BSDC1: variants seen among roughly 807,000 people sequenced by gnomAD.
BSDC1 encodes BSD domain-containing protein 1.
Under a neutral mutation model 56.0 loss-of-function variants are expected in BSDC1, and 29 were observed. That is an observed-to-expected ratio of 0.52 (90% CI 0.39 to 0.71). The LOEUF (loss-of-function observed/expected upper bound fraction) is 0.71. Ranked by LOEUF, BSDC1 falls within the 30% of genes least tolerant of loss-of-function variation. BSDC1 has a pLI of 0.00. For missense variants in BSDC1, 477 were observed against 548.5 expected, an observed-to-expected ratio of 0.87 and a Z score of 1.30; for synonymous variants, 210 against 215.3, an observed-to-expected ratio of 0.98 and a Z score of 0.21.
chr1:32,394,064 C>A lies in BSDC1; in HGVS notation c.72+16G>T. The A allele has an allele frequency of 6.2e-7, 1 of 1,604,900 alleles. No individual in the cohort carries two copies. The highest frequency in any genetic ancestry group is 8.5e-7 in the Non-Finnish European group (1 of 1,176,188). ...CAGGGCCCTGCTGAGGGAAGAAGGG[C>A]ACGGGCCCGGCTTACCTTCTCTTTG... On this transcript the variant is annotated intron_variant, in intron 2 of 10. Transcript: ENST00000455895.
chr1:32,394,256 C>T, intron 1 of BSDC1, 116 bp from the exon 2 acceptor site: 2 of 1,553,478 alleles, frequency 1.3e-6, no homozygotes, highest in Non-Finnish European at 1.8e-6. Context: ...GACCGCTTGC[C>T]CACCCCCTCA....
chr1:32,383,752 C>A (rs1171986732), intron 4 of BSDC1, 78 bp downstream of exon 4: 1 of 1,416,024 alleles, frequency 7.1e-7, no homozygotes, highest in Non-Finnish European at 9.8e-7. Flanking sequence ...ACATGGGCTG[C>A]TTTTGTGAGT....
intron 2 of BSDC1, among the ~76,000 whole-genome samples, chr1:32,392,642 C>G (rs1642906354): frequency 6.6e-6 from 1 of 152,210 alleles, no homozygotes; most frequent in Non-Finnish European, 1.5e-5. Context: ...CGGGTCTCTT[C>G]TATCAAATGT....
intron 3 of BSDC1, 109 bp downstream of exon 3, chr1:32,386,668 CAT>C: frequency 1.6e-6 from 1 of 637,922 alleles, no homozygotes; most frequent in Non-Finnish European, 2.5e-6. Flanking sequence ...AAGTAATCCA[CAT>C]ATTTTTCCCC....
At chr1:32,393,212 C>A (rs140809156) in intron 2 of BSDC1, among the ~76,000 whole-genome samples, 1 of 152,326 alleles carries the variant, frequency 6.6e-6, no homozygotes, top group Non-Finnish European at 1.5e-5. Context: ...CTGATTTTGA[C>A]AAATAAGCAT....
At position 32,392,526 on chromosome 1, in the gene BSDC1, A is replaced by G. The variant is rs918496776; in HGVS notation, c.72+1554T>C. On this transcript the variant is annotated intron_variant, in intron 2 of 10. Transcript: ENST00000455895. ...AACTATCTATTTTTCATAAGTTATG[A>G]TAAGACCAACCTTGAGACAAACACA... Among the ~76,000 whole-genome samples, 25 of 152,214 alleles carry G rather than the reference A, an allele frequency of 1.6e-4. 1 individual carries two copies. The highest frequency in any genetic ancestry group is 5.3e-4 in the African/African-American group (22 of 41,538).
intron 9 of BSDC1, among the ~76,000 whole-genome samples, chr1:32,375,062 G>T (rs954948936): frequency 2.0e-5 from 3 of 152,130 alleles, no homozygotes; most frequent in Admixed American, 2.0e-4. Flanking sequence ...TGAGGCAGGA[G>T]AATGGCGCGA....
chr1:32,386,979 C>G (rs1275870630), intron 2 of BSDC1, 84 bp from the exon 3 acceptor site: 6 of 1,043,104 alleles, frequency 5.8e-6, no homozygotes, highest in Non-Finnish European at 8.8e-6. Flanking sequence ...CAGTACCAGA[C>G]AGACAAATGG....
intron 3 of BSDC1, 29 bp from the exon 4 acceptor site, chr1:32,384,026 G>A (rs147272245): frequency 2.2e-5 from 36 of 1,612,766 alleles, no homozygotes; most frequent in Non-Finnish European, 2.6e-5. Flanking sequence ...GAGGAAGCAA[G>A]CGCCCCGGGA....
chr1:32,394,014 T>C (rs922423830), intron 2 of BSDC1, 66 bp downstream of exon 2: 66 of 1,533,486 alleles, frequency 4.3e-5, no homozygotes, highest in Admixed American at 5.7e-5. Flanking sequence ...CGGGGCTGGT[T>C]GGACCAGGTT....
chr1:32,374,830 CT>C (rs1642218151), intron 9 of BSDC1: 2 of 152,310 alleles, frequency 1.3e-5, no homozygotes, highest in Non-Finnish European at 2.9e-5. Flanking sequence ...GCTTCTGCCC[CT>C]CTCCCACTCA....
chr1:32,379,083 T>C (rs1642397755), intron 5 of BSDC1, among the ~76,000 whole-genome samples: 1 of 152,154 alleles, frequency 6.6e-6, no homozygotes, highest in South Asian at 2.1e-4. Context: ...GGCACCTGGC[T>C]GCTGAATCTC....
intron 9 of BSDC1, among the ~76,000 whole-genome samples, chr1:32,373,949 A>C (rs1033091327): frequency 1.3e-5 from 2 of 152,172 alleles, no homozygotes; most frequent in Non-Finnish European, 2.9e-5. Flanking sequence ...CAACATGTTG[A>C]TGGTCTCACT....
chr1:32,370,874 C>T (rs543613374), intron 9 of BSDC1, among the ~76,000 whole-genome samples: 51 of 149,024 alleles, frequency 3.4e-4, no homozygotes, highest in Non-Finnish European at 6.1e-4. Context: ...CTGTCTATGG[C>T]TGCTTTCATG....
chr1:32,381,427 G>A (rs1642474960), intron 4 of BSDC1, among the ~76,000 whole-genome samples, 159 bp from the exon 5 acceptor site: 1 of 152,246 alleles, frequency 6.6e-6, no homozygotes, highest in African/African-American at 2.4e-5. Context: ...GGCACAGAGA[G>A]TGGGGCACTA....
At position 32,376,451 on chromosome 1, in the gene BSDC1, C is replaced by T. The variant is rs1270515605; in HGVS notation, c.967G>A (p.Val323Met). ...GGGGGTGAGGGTCCAGTCTCACCCACATCCACAGCCAGGCCCTGTTCCTCC... is the reference window on the plus strand; with the variant it reads ...GGGGGTGAGGGTCCAGTCTCACCCATATCCACAGCCAGGCCCTGTTCCTCC... ...SLEEQGLAVD[V>M]GETGPSPPIH... The change falls in exon 9 of 11, where the codon GTG (valine) becomes ATG (methionine). Residue 323 changes from valine to methionine, a missense_variant. Physicochemically the swap from Val to Met is conservative, Grantham distance 21. Coordinates refer to ENST00000455895, the MANE Select transcript of BSDC1 (RefSeq NM_018045.8). The T allele has an allele frequency of 1.2e-6, 2 of 1,613,022 alleles. No homozygotes were observed. The highest frequency in any genetic ancestry group is 1.7e-6 in the Non-Finnish European group (2 of 1,179,152).
At chr1:32,369,094 C>G (rs762141620) in intron 9 of BSDC1, 3 of 385,760 alleles carry the variant, frequency 7.8e-6, no homozygotes, top group Non-Finnish European at 1.4e-5. Context: ...TGATGGAAAC[C>G]TAGAAACAAT....
intron 4 of BSDC1, among the ~76,000 whole-genome samples, chr1:32,383,496 T>C (rs1308095271): frequency 1.3e-5 from 2 of 152,038 alleles, no homozygotes. Context: ...GCTATGTTTG[T>C]TGATTTTTTA....
At chr1:32,384,110 C>A in intron 3 of BSDC1, 113 bp from the exon 4 acceptor site, 1 of 1,447,218 alleles carries the variant, frequency 6.9e-7, no homozygotes. Context: ...ACCAGGGAAG[C>A]GCTCACGACC....
Sources: gnomAD v4.1 joint callset for allele counts (sites outside exome capture counted in the v4.1 genomes callset) on GRCh38, gnomAD v4.1.1 for gene constraint, MANE v1.5 for transcripts, NCBI Gene and HGNC (gene_info 2026-07-23, HGNC 2026-07-21) for gene names.